The following RRP15 variants were observed in gnomAD, a reference collection of about 807,000 sequenced individuals.
RRP15 encodes the protein RRP15-like protein.
A neutral mutation model predicts 27.1 loss-of-function variants in RRP15; 18 were observed. That is an observed-to-expected ratio of 0.66 (90% CI 0.46 to 0.98). RRP15 has a LOEUF of 0.98. Among genes scored for constraint, RRP15 ranks in the 50% least tolerant of loss-of-function variants. The probability of loss-of-function intolerance (pLI) is 0.00; values close to 1 mark genes in which losing one functional copy is unlikely to be tolerated. For missense variants in RRP15, 359 were observed against 337.8 expected, an observed-to-expected ratio of 1.06 and a Z score of -0.49; for synonymous variants, 107 against 109.4, an observed-to-expected ratio of 0.98 and a Z score of 0.14.
At chr1:218,310,603 C>G (rs1655979274) in intron 4 of RRP15, among the ~76,000 whole-genome samples, 1 of 151,402 alleles carries the variant, frequency 6.6e-6, no homozygotes, top group Non-Finnish European at 1.5e-5. Context: ...TCCTAATGTA[C>G]ACATGACTTG....
At chr1:218,297,270 T>G (rs555807497) in intron 1 of RRP15, among the ~76,000 whole-genome samples, 22 of 152,160 alleles carry the variant, frequency 1.4e-4, no homozygotes, top group Non-Finnish European at 2.8e-4. Flanking sequence ...AGCTTCTCAT[T>G]TAACACCTCA....
chr1:218,324,590 A>T (rs1656242449), intron 4 of RRP15, among the ~76,000 whole-genome samples: 1 of 152,212 alleles, frequency 6.6e-6, no homozygotes. Flanking sequence ...GCCATCACTA[A>T]CTCATGTGCA....
intron 4 of RRP15, among the ~76,000 whole-genome samples, chr1:218,326,537 C>G (rs1200503887): frequency 6.6e-6 from 1 of 151,410 alleles, no homozygotes; most frequent in East Asian, 2.0e-4. Context: ...AAAAATTCAA[C>G]TGGAAGCTAT....
chr1:218,316,433 C>T (rs1430319443), intron 4 of RRP15, among the ~76,000 whole-genome samples: 1 of 152,072 alleles, frequency 6.6e-6, no homozygotes, highest in Non-Finnish European at 1.5e-5. Context: ...TACATGTTAG[C>T]ACCTATAATG....
intron 4 of RRP15, among the ~76,000 whole-genome samples, chr1:218,328,110 A>T (rs560211615): frequency 2.6e-5 from 4 of 152,356 alleles, no homozygotes. Flanking sequence ...AGAATCACTG[A>T]TACAGACTAT....
rs536132784 is a variant in RRP15, at chr1:218,295,657, C to G, written c.140-6637C>G. 5.3e-5 allele frequency among the ~76,000 whole-genome samples: 8 copies of G among 152,308 alleles called. No individual in the cohort carries two copies. In the South Asian group the frequency reaches 1.5e-3, roughly 28 times the overall value. On this transcript the variant is annotated intron_variant, in intron 1 of 4. Coordinates refer to ENST00000366932, the MANE Select transcript of RRP15 (RefSeq NM_016052.4). ...TTTTCATCAAACTGTAGCTTATAGC[C>G]TCCTTTATCATTTAAGTTACTTGAA...
intron 1 of RRP15, among the ~76,000 whole-genome samples, chr1:218,293,676 T>G (rs967707868): frequency 1.3e-5 from 2 of 152,214 alleles, no homozygotes; most frequent in African/African-American, 4.8e-5. Context: ...AATTTTATTT[T>G]TCTGGCTTTA....
At chr1:218,313,797 A>G (rs923505848) in intron 4 of RRP15, among the ~76,000 whole-genome samples, 1 of 152,166 alleles carries the variant, frequency 6.6e-6, no homozygotes, top group African/African-American at 2.4e-5. Context: ...AGAGTTTTCC[A>G]CATGAATAAA....
At chr1:218,319,057 T>G (rs947092365) in intron 4 of RRP15, among the ~76,000 whole-genome samples, 2 of 151,978 alleles carry the variant, frequency 1.3e-5, no homozygotes, top group African/African-American at 4.8e-5. Context: ...TCTTCTTTTT[T>G]CTTTTGTCTT....
At chr1:218,320,723 C>G (rs1038815283) in intron 4 of RRP15, among the ~76,000 whole-genome samples, 5 of 151,766 alleles carry the variant, frequency 3.3e-5, no homozygotes, top group South Asian at 2.1e-4. Flanking sequence ...TAGCTCCTAT[C>G]TCAGGGGCCG....
rs528691003 is a variant in RRP15 at position 218,325,913 on chromosome 1, G to A, written c.706-5035G>A. ...CTATTTTCTGGGCAATTTCCTCAGC[G>A]TTATCTTCTGACTTTTATAATGTGG... On this transcript the variant is annotated intron_variant, in intron 4 of 4. Coordinates refer to ENST00000366932, the MANE Select transcript of RRP15 (RefSeq NM_016052.4). 1.5e-4 allele frequency among the ~76,000 whole-genome samples: 23 copies of A among 152,044 alleles called. No homozygotes were observed. In the East Asian group the frequency reaches 2.3e-3, roughly 15 times the overall value.
At chr1:218,304,994 A>C in intron 2 of RRP15, 34 bp from the exon 3 acceptor site, 1 of 1,561,986 alleles carries the variant, frequency 6.4e-7, no homozygotes, top group Non-Finnish European at 8.8e-7. Flanking sequence ...AGAAATATCT[A>C]ATATTCTTTC....
chr1:218,296,558 A>T (rs1253573196), intron 1 of RRP15, among the ~76,000 whole-genome samples: 1 of 151,332 alleles, frequency 6.6e-6, no homozygotes, highest in East Asian at 1.9e-4. Flanking sequence ...AAAGGAGAGG[A>T]TTGTGTGAGC....
intron 1 of RRP15, among the ~76,000 whole-genome samples, chr1:218,294,111 T>C (rs1476521844): frequency 1.3e-5 from 2 of 152,142 alleles, no homozygotes; most frequent in African/African-American, 2.4e-5. Context: ...AGCCGGTGAA[T>C]GTGGAAAAAA....
chr1:218,299,697 T>G (rs1655780134), intron 1 of RRP15, among the ~76,000 whole-genome samples: 1 of 152,212 alleles, frequency 6.6e-6, no homozygotes, highest in South Asian at 2.1e-4. Context: ...TCTTGCCTCC[T>G]TACATTTAGT....
At chr1:218,323,473 A>G (rs1049639585) in intron 4 of RRP15, among the ~76,000 whole-genome samples, 10 of 152,210 alleles carry the variant, frequency 6.6e-5, no homozygotes, top group African/African-American at 9.6e-5. Context: ...CTGAGTACCA[A>G]TTGGTCCATG....
intron 4 of RRP15, among the ~76,000 whole-genome samples, chr1:218,318,210 C>A (rs1380736656): frequency 6.6e-6 from 1 of 151,710 alleles, no homozygotes; most frequent in African/African-American, 2.4e-5. Flanking sequence ...AAAGTATTAC[C>A]CCCATGTGCC....
At chr1:218,292,767 C>T (rs1010694044) in intron 1 of RRP15, among the ~76,000 whole-genome samples, 2 of 152,222 alleles carry the variant, frequency 1.3e-5, no homozygotes, top group Admixed American at 1.3e-4. Context: ...TCTTGTCATT[C>T]CCTAGACGAC....
intron 1 of RRP15, among the ~76,000 whole-genome samples, chr1:218,288,786 A>G (rs1655589752): frequency 6.6e-6 from 1 of 152,222 alleles, no homozygotes. Flanking sequence ...CCTCCCACTC[A>G]AGAAGATTTC....
Sources: allele counts gnomAD v4.1 joint callset (sites outside exome capture counted in the v4.1 genomes callset), GRCh38; gene constraint gnomAD v4.1.1; transcripts MANE v1.5; gene names NCBI Gene and HGNC (gene_info 2026-07-23, HGNC 2026-07-21).